The following SVIL variants were observed in gnomAD, a reference collection of about 807,000 sequenced individuals.
The protein encoded by SVIL is archvillin.
A neutral mutation model predicts 240.4 loss-of-function variants in SVIL; 101 were observed. The ratio of observed to expected loss-of-function variants is 0.42; its 90% CI spans 0.36 to 0.50. The LOEUF is 0.50. Among genes scored for constraint, SVIL ranks in the 20% least tolerant of loss-of-function variants. SVIL has a pLI of 0.01. For synonymous variants in SVIL, 999 were observed against 1,100.0 expected, an observed-to-expected ratio of 0.91 and a Z score of 1.82; for missense variants, 2,512 against 2,818.7, an observed-to-expected ratio of 0.89 and a Z score of 2.46.
intron 1 of SVIL, among the ~76,000 whole-genome samples, chr10:29,727,461 C>T (rs1964356780): frequency 6.6e-6 from 1 of 152,104 alleles, no homozygotes; most frequent in East Asian, 1.9e-4. Flanking sequence ...GAAATGTTGT[C>T]CGGGCTGGAC....
intron 5 of SVIL, among the ~76,000 whole-genome samples, chr10:29,551,801 A>G (rs1320665381): frequency 6.6e-6 from 1 of 152,006 alleles, no homozygotes; most frequent in African/African-American, 2.4e-5. Flanking sequence ...TATAACACAC[A>G]TGCCTGGTGT....
chr10:29,637,279 G>T (rs1387524024), upstream of SVIL, among the ~76,000 whole-genome samples: 1 of 152,142 alleles, frequency 6.6e-6, no homozygotes, highest in East Asian at 1.9e-4. Context: ...GAGGTCAGGA[G>T]TTCGAGACCA....
intron 1 of SVIL, among the ~76,000 whole-genome samples, chr10:29,597,421 C>CTTTTAT (rs1422782926): frequency 6.6e-6 from 1 of 151,928 alleles, no homozygotes; most frequent in African/African-American, 2.4e-5. Context: ...GTTCTAAATC[C>CTTTTAT]TTTTATTTTT....
chr10:29,560,261 G>A (rs1025216309), intron 3 of SVIL, among the ~76,000 whole-genome samples: 65 of 152,192 alleles, frequency 4.3e-4, no homozygotes, highest in African/African-American at 1.5e-3. Context: ...CAGCTGAAGG[G>A]TGTAGGTTTC....
chr10:29,516,673 T>C (rs984118589), intron 16 of SVIL, among the ~76,000 whole-genome samples: 24 of 152,240 alleles, frequency 1.6e-4, no homozygotes, highest in East Asian at 3.8e-4. Context: ...GCCTGGGCAG[T>C]GGCTAGGCCT....
intron 22 of SVIL, among the ~76,000 whole-genome samples, chr10:29,490,019 C>G (rs1947797253): frequency 6.6e-6 from 1 of 152,092 alleles, no homozygotes; most frequent in Non-Finnish European, 1.5e-5. Context: ...TCACCTCAAA[C>G]CAAGAAAATC....
intron 1 of SVIL, among the ~76,000 whole-genome samples, chr10:29,702,758 G>T (rs1962617476): frequency 2.6e-5 from 4 of 152,284 alleles, no homozygotes; most frequent in Middle Eastern, 3.4e-3. Context: ...CACCCAGATA[G>T]TTCCTGTCCC....
intron 20 of SVIL, among the ~76,000 whole-genome samples, chr10:29,494,265 G>A (rs1224543576): frequency 4.6e-5 from 7 of 152,112 alleles, no homozygotes; most frequent in African/African-American, 1.7e-4. Flanking sequence ...CTCCATGTGT[G>A]TAATAAATGC....
chr10:29,627,872 AT>A (rs1424367379), intron 1 of SVIL, among the ~76,000 whole-genome samples: 3 of 152,258 alleles, frequency 2.0e-5, no homozygotes. Context: ...GAAATCATAA[AT>A]CCAAATGGTT....
At chr10:29,627,864 A>C (rs550881517) in intron 1 of SVIL, among the ~76,000 whole-genome samples, 3 of 152,216 alleles carry the variant, frequency 2.0e-5, no homozygotes, top group Non-Finnish European at 2.9e-5. Flanking sequence ...AAATGTATGA[A>C]ATCATAAATC....
chr10:29,640,389 T>C (rs1432242652), intron 3 of SVIL, among the ~76,000 whole-genome samples: 1 of 152,126 alleles, frequency 6.6e-6, no homozygotes, highest in Non-Finnish European at 1.5e-5. Context: ...TTTCACTGAG[T>C]GTCCACCTCT....
At chr10:29,511,697 C>T (rs1289939600) in intron 17 of SVIL, among the ~76,000 whole-genome samples, 2 of 152,150 alleles carry the variant, frequency 1.3e-5, no homozygotes, top group Non-Finnish European at 2.9e-5. Flanking sequence ...GCTTAAATGT[C>T]TTTAGTTAAA....
chr10:29,639,523 G>A (rs959122785), upstream of SVIL, among the ~76,000 whole-genome samples: 13 of 142,070 alleles, frequency 9.2e-5, no homozygotes, highest in African/African-American at 2.1e-4. Context: ...AGGCTGGAGT[G>A]TAATGCACGA....
chr10:29,571,243 A>G (rs1169555188), intron 1 of SVIL, among the ~76,000 whole-genome samples: 1 of 152,230 alleles, frequency 6.6e-6, no homozygotes, highest in Non-Finnish European at 1.5e-5. Flanking sequence ...ATGAACAGAA[A>G]TTAAGCCTGG....
chr10:29,681,851 T>A (rs1960680708), intron 2 of SVIL, among the ~76,000 whole-genome samples: 1 of 152,186 alleles, frequency 6.6e-6, no homozygotes, highest in Non-Finnish European at 1.5e-5. Context: ...TTTCAACAGA[T>A]GCAGGGCTTC....
At position 29,495,088 on chromosome 10, in the gene SVIL, T is replaced by G; in HGVS notation, c.3754+4A>C. On this transcript the variant is annotated splice_donor_region_variant and intron_variant, in intron 19 of 37. Coordinates refer to ENST00000355867, the MANE Select transcript of SVIL (RefSeq NM_021738.3). ...TTGGCGTGGCCGGGGCCTTGGCGAC[T>G]TACCTTCCAGGGGTTTGGAAACGGG... 1 of 1,600,278 alleles carries G rather than the reference T, an allele frequency of 6.2e-7. No homozygotes were observed. The highest frequency in any genetic ancestry group is 8.5e-7 in the Non-Finnish European group (1 of 1,173,126).
intron 1 of SVIL, among the ~76,000 whole-genome samples, chr10:29,721,257 C>CAAACAAACAAACA (rs112683847): frequency 9.3e-5 from 14 of 150,018 alleles, no homozygotes; most frequent in Admixed American, 1.3e-4. Flanking sequence ...AACAAACAAA[C>CAAACAAACAAACA]AAAAAAACAC....
At chr10:29,673,648 C>T (rs1035661999) in intron 2 of SVIL, among the ~76,000 whole-genome samples, 4 of 151,552 alleles carry the variant, frequency 2.6e-5, no homozygotes, top group South Asian at 4.2e-4. Context: ...TCAGATCTTG[C>T]GAGAACTCAC....
At chr10:29,606,320 C>T (rs76674739) in intron 1 of SVIL, among the ~76,000 whole-genome samples, 52 of 152,282 alleles carry the variant, frequency 3.4e-4, no homozygotes, top group African/African-American at 1.2e-3. Context: ...GCTGGGATTA[C>T]AGACACTGGC....
Sources: gnomAD v4.1 joint callset for allele counts (sites outside exome capture counted in the v4.1 genomes callset) on GRCh38, gnomAD v4.1.1 for gene constraint, MANE v1.5 for transcripts, NCBI Gene and HGNC (gene_info 2026-07-23, HGNC 2026-07-21) for gene names.